Variants in ARHGAP8 observed in about 807,000 individuals in gnomAD.
ARHGAP8 encodes the protein rho GTPase-activating protein 8.
Under a neutral mutation model 46.1 loss-of-function variants are expected in ARHGAP8, and 62 were observed. That is an observed-to-expected ratio of 1.34 (90% CI 1.10 to 1.66). The LOEUF (loss-of-function observed/expected upper bound fraction) is 1.66. Among genes scored for constraint, ARHGAP8 ranks in the 40% most tolerant of loss-of-function variants. The pLI, the probability that ARHGAP8 is intolerant of heterozygous loss-of-function variation, is 0.00. For synonymous variants in ARHGAP8, 375 were observed against 243.1 expected, an observed-to-expected ratio of 1.54 and a Z score of -5.05; for missense variants, 923 against 568.4, an observed-to-expected ratio of 1.62 and a Z score of -6.34.
intron 1 of ARHGAP8, among the ~76,000 whole-genome samples, chr22:44,778,365 T>A (rs1226206765): frequency 1.3e-5 from 2 of 152,154 alleles, no homozygotes; most frequent in Admixed American, 1.3e-4. Context: ...ATTCATTCCT[T>A]TTTATGGCTG....
Position 44,763,897 on chromosome 22 carries a change from ACCT to A in ARHGAP8, c.-72+11274_-72+11276del, listed in dbSNP as rs1158385404. ...ACAATCTCGGCTTACTGCAAGCTCC[ACCT>A]CCTGGGTTCACGCCATTCTGCTGTC... On this transcript the variant is annotated intron_variant, in intron 1 of 11. Transcript: ENST00000356099. 6.2e-5 allele frequency among the ~76,000 whole-genome samples: 9 copies of A among 144,930 alleles called. No individual in the cohort carries two copies. The East Asian group carries it at 1.8e-3, about 29-fold the overall frequency.
intron 10 of ARHGAP8, among the ~76,000 whole-genome samples, chr22:44,854,961 A>G (rs1456696885): frequency 6.6e-6 from 1 of 152,186 alleles, no homozygotes; most frequent in East Asian, 1.9e-4. Context: ...AGCTGTTTTT[A>G]ATAAACTAAC....
intron 7 of ARHGAP8, among the ~76,000 whole-genome samples, chr22:44,843,386 C>T (rs569147579): frequency 3.3e-4 from 51 of 152,242 alleles, no homozygotes; most frequent in Middle Eastern, 3.4e-3. Flanking sequence ...AGGAATGAAG[C>T]ATGCTGAAAA....
intron 3 of ARHGAP8, 143 bp downstream of exon 3, chr22:44,802,307 A>G: frequency 9.3e-7 from 1 of 1,077,444 alleles, no homozygotes; most frequent in Admixed American, 2.6e-5. Flanking sequence ...TCTTGCACTC[A>G]TGAGCCTACC....
intron 10 of ARHGAP8, among the ~76,000 whole-genome samples, chr22:44,858,889 C>T (rs2070329046): frequency 1.3e-5 from 2 of 151,436 alleles, no homozygotes; most frequent in African/African-American, 2.4e-5. Flanking sequence ...TGTAAAAGGC[C>T]AGATAGTAAA....
rs11293128 is a variant in ARHGAP8, at chr22:44,762,543, C to CTTTT, written c.-72+9931_-72+9934dup. On this transcript the variant is annotated intron_variant, in intron 1 of 11. Transcript: ENST00000356099. ...TACTCATTATGAACTCTCTCTCTCT[C>CTTTT]TTTTTTTTTTTTTTTTTTGAGATGG... Among the ~76,000 whole-genome samples, 6 of 120,344 alleles carry CTTTT rather than the reference C, an allele frequency of 5.0e-5. 1 individual carries two copies. Among genetic ancestry groups the CTTTT allele is most frequent in the Non-Finnish European group, 5.2e-5 (3 of 58,070 alleles). The allele number at this position is 120,344 out of a possible 152,430, so 79.0% of individuals were successfully genotyped here. A position where few individuals can be genotyped will look rare whatever the true frequency, so the allele number is the denominator to read the frequency against.
At chr22:44,787,279 C>T (rs1385346418) in intron 2 of ARHGAP8, among the ~76,000 whole-genome samples, 1 of 152,236 alleles carries the variant, frequency 6.6e-6, no homozygotes, top group African/African-American at 2.4e-5. Context: ...CAACAAACAA[C>T]TCCGTGCCCA....
At chr22:44,830,425 A>G (rs1391018128) in intron 7 of ARHGAP8, among the ~76,000 whole-genome samples, 1 of 151,384 alleles carries the variant, frequency 6.6e-6, no homozygotes, top group East Asian at 1.9e-4. Context: ...TCTGCCTTCC[A>G]GTTCGGATGA....
intron 2 of ARHGAP8, among the ~76,000 whole-genome samples, chr22:44,788,012 G>A (rs1055522576): frequency 1.8e-4 from 27 of 147,554 alleles, no homozygotes; most frequent in Admixed American, 5.5e-4. Flanking sequence ...TGTGAGGAAT[G>A]CAGATCCCCT....
chr22:44,861,475 G>A (rs1016571005), intron 11 of ARHGAP8, among the ~76,000 whole-genome samples: 2 of 150,782 alleles, frequency 1.3e-5, no homozygotes, highest in African/African-American at 2.4e-5. Context: ...CAGCCAGGGG[G>A]AGCCTGAAAG....
chr22:44,766,535 CA>C (rs2147001637), intron 1 of ARHGAP8, among the ~76,000 whole-genome samples: 1 of 151,848 alleles, frequency 6.6e-6, no homozygotes, highest in South Asian at 2.1e-4. Flanking sequence ...TGTCTGTAGG[CA>C]TGTGTGTCTG....
chr22:44,825,267 G>A (rs945716509), intron 6 of ARHGAP8, among the ~76,000 whole-genome samples: 5 of 152,078 alleles, frequency 3.3e-5, no homozygotes, highest in Non-Finnish European at 7.4e-5. Context: ...ATTTGCTGGA[G>A]GTTGGACTAC....
intron 7 of ARHGAP8, among the ~76,000 whole-genome samples, chr22:44,825,813 C>T (rs1478654567): frequency 4.5e-5 from 6 of 132,078 alleles, no homozygotes; most frequent in Admixed American, 2.4e-4. Flanking sequence ...GGTTGGGGGG[C>T]GCATGCTCGC....
At chr22:44,773,918 G>C (rs1489095300) in intron 1 of ARHGAP8, among the ~76,000 whole-genome samples, 2 of 152,194 alleles carry the variant, frequency 1.3e-5, no homozygotes, top group Non-Finnish European at 2.9e-5. Context: ...TTATACTATA[G>C]TGATGATGGT....
chr22:44,800,598 C>A (rs1325270052), intron 2 of ARHGAP8, among the ~76,000 whole-genome samples: 40 of 87,158 alleles, frequency 4.6e-4, no homozygotes, highest in East Asian at 1.3e-3. Context: ...TGGGGGGCGC[C>A]CCTCCCCGCA....
intron 5 of ARHGAP8, among the ~76,000 whole-genome samples, chr22:44,815,478 A>G (rs750548393): frequency 6.6e-6 from 1 of 151,858 alleles, no homozygotes; most frequent in South Asian, 2.1e-4. Flanking sequence ...GGGCAAAGAC[A>G]TTACCAGGCC....
intron 1 of ARHGAP8, among the ~76,000 whole-genome samples, chr22:44,764,076 T>C (rs556572248): frequency 6.6e-6 from 1 of 152,074 alleles, no homozygotes; most frequent in Non-Finnish European, 1.5e-5. Flanking sequence ...CCTCCCAAAG[T>C]GCTGGGATTA....
chr22:44,775,114 G>A (rs999856678), intron 1 of ARHGAP8, among the ~76,000 whole-genome samples: 16 of 152,210 alleles, frequency 1.1e-4, no homozygotes, highest in African/African-American at 1.7e-4. Context: ...TTATAGGCAC[G>A]AGCCACGGTG....
At chr22:44,861,684 C>T (rs765778365) in intron 11 of ARHGAP8, among the ~76,000 whole-genome samples, 5 of 152,190 alleles carry the variant, frequency 3.3e-5, no homozygotes, top group Non-Finnish European at 7.4e-5. Context: ...GTCCACATGG[C>T]CCCCTGCCAC....
Sources: gnomAD v4.1 joint callset for allele counts (sites outside exome capture counted in the v4.1 genomes callset) on GRCh38, gnomAD v4.1.1 for gene constraint, MANE v1.5 for transcripts, NCBI Gene and HGNC (gene_info 2026-07-23, HGNC 2026-07-21) for gene names.